The following FRMD4A variants were observed in gnomAD, a reference collection of about 807,000 sequenced individuals.
FRMD4A encodes FERM domain-containing protein 4A.
In FRMD4A, 29 loss-of-function variants were observed where a neutral mutation model predicts 129.1. The ratio of observed to expected loss-of-function variants is 0.22; its 90% CI spans 0.17 to 0.31. FRMD4A has a LOEUF of 0.31. FRMD4A is among the 10% of genes least tolerant of loss of function. FRMD4A has a pLI of 1.00. For missense variants in FRMD4A, 1,272 were observed against 1,375.8 expected (o/e 0.92, Z 1.19); for synonymous variants, 634 against 571.6 (o/e 1.11, Z -1.56).
intron 2 of FRMD4A, among the ~76,000 whole-genome samples, chr10:14,163,881 T>TGGCTTGGG (rs1841033346): frequency 6.6e-6 from 1 of 152,212 alleles, no homozygotes. Flanking sequence ...GTGAGGTCAC[T>TGGCTTGGG]GGCTTGGGGC....
chr10:13,916,587 G>C (rs998542203), intron 2 of FRMD4A, among the ~76,000 whole-genome samples: 14 of 152,196 alleles, frequency 9.2e-5, no homozygotes, highest in Admixed American at 6.5e-4. Context: ...GGAACCTGAG[G>C]CTCCAAGGCT....
intron 15 of FRMD4A, among the ~76,000 whole-genome samples, chr10:13,675,486 C>T (rs2083901579): frequency 6.6e-6 from 1 of 152,190 alleles, no homozygotes; most frequent in Non-Finnish European, 1.5e-5. Context: ...GCTGCAACCT[C>T]CGCCTCCCAG....
At chr10:13,752,061 T>C (rs1333667438) in intron 8 of FRMD4A, among the ~76,000 whole-genome samples, 1 of 152,158 alleles carries the variant, frequency 6.6e-6, no homozygotes, top group Non-Finnish European at 1.5e-5. Flanking sequence ...CAAAAAGTTC[T>C]CTTGAAAAGC....
chr10:13,942,341 G>GA (rs1440896244), intron 2 of FRMD4A, among the ~76,000 whole-genome samples: 2 of 152,246 alleles, frequency 1.3e-5, no homozygotes, highest in Admixed American at 1.3e-4. Flanking sequence ...CAGCCAGGGC[G>GA]AACCTGCAAT....
At chr10:14,293,996 T>C (rs536824943) in intron 2 of FRMD4A, among the ~76,000 whole-genome samples, 3 of 152,342 alleles carry the variant, frequency 2.0e-5, no homozygotes, top group Admixed American at 6.5e-5. Flanking sequence ...CAAAACTAAA[T>C]GTATTACTTG....
At chr10:14,232,688 G>A (rs940768661) in intron 2 of FRMD4A, among the ~76,000 whole-genome samples, 2 of 152,160 alleles carry the variant, frequency 1.3e-5, no homozygotes, top group African/African-American at 4.8e-5. Context: ...TATTGCAATT[G>A]TGAATGGGAT....
At chr10:13,701,241 G>A in intron 14 of FRMD4A, 99 bp downstream of exon 14, 2 of 1,106,870 alleles carry the variant, frequency 1.8e-6, no homozygotes, top group Non-Finnish European at 2.7e-6. Flanking sequence ...TATGGACCCG[G>A]GCAAGGGACA....
intron 2 of FRMD4A, among the ~76,000 whole-genome samples, chr10:14,052,789 C>T (rs1834324232): frequency 6.6e-6 from 1 of 152,030 alleles, no homozygotes; most frequent in African/African-American, 2.4e-5. Flanking sequence ...GTCTTGAACT[C>T]CTGACCTCAA....
chr10:14,183,279 T>G (rs1442969256), intron 2 of FRMD4A, among the ~76,000 whole-genome samples: 2 of 152,236 alleles, frequency 1.3e-5, no homozygotes, highest in South Asian at 4.1e-4. Flanking sequence ...ATATCATTAG[T>G]GGTGTCTTGG....
At chr10:14,246,277 T>A (rs1263816913) in intron 2 of FRMD4A, among the ~76,000 whole-genome samples, 1 of 152,158 alleles carries the variant, frequency 6.6e-6, no homozygotes, top group East Asian at 1.9e-4. Flanking sequence ...AGAACCTTTA[T>A]ATCACAACTA....
chr10:13,770,095 A>G (rs2092413765), intron 6 of FRMD4A, among the ~76,000 whole-genome samples: 1 of 152,194 alleles, frequency 6.6e-6, no homozygotes, highest in South Asian at 2.1e-4. Context: ...GTGGGACACA[A>G]TGCCCATATT....
intron 2 of FRMD4A, among the ~76,000 whole-genome samples, chr10:14,131,397 C>CCCCA (rs1554767015): frequency 2.8e-5 from 2 of 70,876 alleles, no homozygotes; most frequent in Non-Finnish European, 6.4e-5. Flanking sequence ...ACTCACTGTG[C>CCCCA]CCCCCCCGGC....
At chr10:13,686,076 C>T (rs1277601022) in intron 15 of FRMD4A, among the ~76,000 whole-genome samples, 1 of 152,204 alleles carries the variant, frequency 6.6e-6, no homozygotes, top group East Asian at 2.0e-4. Context: ...CCTGGGCACA[C>T]GGTCCAGCAT....
At chr10:14,178,478 T>A (rs1217437801) in intron 2 of FRMD4A, among the ~76,000 whole-genome samples, 1 of 152,216 alleles carries the variant, frequency 6.6e-6, no homozygotes, top group Non-Finnish European at 1.5e-5. Flanking sequence ...ACTTATGATT[T>A]CCAAGTCCTT....
intron 2 of FRMD4A, among the ~76,000 whole-genome samples, chr10:14,305,365 C>CA (rs1342306941): frequency 6.6e-6 from 1 of 151,824 alleles, no homozygotes; most frequent in East Asian, 1.9e-4. Context: ...AATTGCTGAA[C>CA]AAAAAAATGA....
intron 2 of FRMD4A, among the ~76,000 whole-genome samples, chr10:13,952,509 A>G (rs1372776751): frequency 6.6e-6 from 1 of 152,088 alleles, no homozygotes; most frequent in East Asian, 1.9e-4. Flanking sequence ...TCTAAAAAAG[A>G]AAACAACAAC....
chr10:13,994,414 T>A (rs140940651), intron 2 of FRMD4A, among the ~76,000 whole-genome samples: 3,324 of 152,016 alleles, frequency 0.022, 132 homozygotes, highest in African/African-American at 0.075. Context: ...CCCGACCTCA[T>A]GATCTGCCTG....
chr10:13,867,391 G>C (rs1230725061), intron 2 of FRMD4A, among the ~76,000 whole-genome samples: 1 of 151,382 alleles, frequency 6.6e-6, no homozygotes, highest in Non-Finnish European at 1.5e-5. Flanking sequence ...CTCCCAAGTA[G>C]CTGGGATTAC....
chr10:13,893,444 C>T (rs748141484), intron 2 of FRMD4A, among the ~76,000 whole-genome samples: 2 of 152,176 alleles, frequency 1.3e-5, no homozygotes, highest in African/African-American at 4.8e-5. Flanking sequence ...TTTCTTTGCA[C>T]GCAGACTAGT....
Sources: allele counts gnomAD v4.1 joint callset (sites outside exome capture counted in the v4.1 genomes callset), GRCh38; gene constraint gnomAD v4.1.1; transcripts MANE v1.5; gene names NCBI Gene and HGNC (gene_info 2026-07-23, HGNC 2026-07-21).